TBC1D2B: variants seen among roughly 807,000 people sequenced by gnomAD.
TBC1D2B encodes the protein TBC1 domain family member 2B, also known as TBC1 domain family, member 2B.
A neutral mutation model predicts 100.8 loss-of-function variants in TBC1D2B; 64 were observed. The ratio of observed to expected loss-of-function variants is 0.64; its 90% confidence interval spans 0.52 to 0.78. TBC1D2B has a LOEUF of 0.78. Among genes scored for constraint, TBC1D2B ranks in the 30% least tolerant of loss-of-function variants. The pLI, the probability that TBC1D2B is intolerant of heterozygous loss-of-function variation, is 0.00. For synonymous variants in TBC1D2B, 480 were observed against 479.7 expected (o/e 1.00, Z -0.01); for missense variants, 1,052 against 1,218.4 (o/e 0.86, Z 2.03).
chr15:78,077,232 G>C, intron 1 of TBC1D2B, 61 bp downstream of exon 1: 1 of 1,403,832 alleles, frequency 7.1e-7, no homozygotes, highest in Admixed American at 3.2e-5. Context: ...GCGCAAGCCA[G>C]TGGCGGAGGC....
intron 9 of TBC1D2B, among the ~76,000 whole-genome samples, chr15:78,010,636 G>A (rs1475966329): frequency 2.6e-5 from 4 of 151,928 alleles, no homozygotes; most frequent in African/African-American, 9.7e-5. Flanking sequence ...TGAGAGACAG[G>A]ACTCGATGGC....
intron 10 of TBC1D2B, among the ~76,000 whole-genome samples, chr15:78,007,008 C>G (rs2072084896): frequency 6.6e-6 from 1 of 152,248 alleles, no homozygotes; most frequent in Non-Finnish European, 1.5e-5. Flanking sequence ...GCAGCGGGAA[C>G]AGCAGCAGGG....
At chr15:78,065,067 G>A (rs1379770198) in intron 1 of TBC1D2B, among the ~76,000 whole-genome samples, 1 of 152,136 alleles carries the variant, frequency 6.6e-6, no homozygotes. Flanking sequence ...AGTCTGTGTT[G>A]AGGTGGGCAG....
intron 1 of TBC1D2B, among the ~76,000 whole-genome samples, chr15:78,068,631 GC>G (rs1438793538): frequency 6.6e-6 from 1 of 152,190 alleles, no homozygotes; most frequent in Non-Finnish European, 1.5e-5. Flanking sequence ...TCCTGTGCTG[GC>G]TGGTGAGCTA....
chr15:78,056,683 CCTCTTTTTTTTTTTTT>C (rs1291603436), intron 1 of TBC1D2B, among the ~76,000 whole-genome samples: 4 of 132,966 alleles, frequency 3.0e-5, no homozygotes, highest in Admixed American at 8.7e-5. Flanking sequence ...ACCCAGTCCT[CCTCTTTTTTTTTTTTT>C]TTTTTTTTTT....
intron 4 of TBC1D2B, among the ~76,000 whole-genome samples, chr15:78,027,200 C>T (rs990916400): frequency 2.0e-5 from 3 of 152,114 alleles, no homozygotes; most frequent in Non-Finnish European, 4.4e-5. Context: ...CCAACCTGCA[C>T]TGTTAGGAAT....
intron 3 of TBC1D2B, among the ~76,000 whole-genome samples, chr15:78,032,195 C>G (rs904056003): frequency 1.4e-4 from 22 of 152,134 alleles, no homozygotes; most frequent in Non-Finnish European, 2.8e-4. Context: ...GAGCCTCACA[C>G]GGGACCGGGA....
intron 6 of TBC1D2B, among the ~76,000 whole-genome samples, chr15:78,022,506 G>C (rs1451509287): frequency 2.0e-5 from 3 of 151,956 alleles, no homozygotes; most frequent in Non-Finnish European, 2.9e-5. Context: ...TGCTAACCAA[G>C]ACCTCTTATT....
intron 1 of TBC1D2B, among the ~76,000 whole-genome samples, chr15:78,056,019 G>A (rs1367656523): frequency 3.9e-5 from 6 of 152,182 alleles, no homozygotes; most frequent in Non-Finnish European, 7.3e-5. Flanking sequence ...AGGTTCAAAA[G>A]CTTCAAAGTA....
chr15:78,026,649 C>T (rs1426059240), intron 4 of TBC1D2B, among the ~76,000 whole-genome samples: 1 of 152,136 alleles, frequency 6.6e-6, no homozygotes, highest in Admixed American at 6.5e-5. Context: ...GGCATGGTGG[C>T]TCACGCCTGT....
intron 2 of TBC1D2B, among the ~76,000 whole-genome samples, chr15:78,047,221 G>C (rs1254627554): frequency 6.7e-6 from 1 of 150,078 alleles, no homozygotes; most frequent in Non-Finnish European, 1.5e-5. Flanking sequence ...CTGGAGTGCA[G>C]TGGTGTGATC....
At chr15:77,999,539 C>T (rs2071855243) in intron 12 of TBC1D2B, among the ~76,000 whole-genome samples, 1 of 152,088 alleles carries the variant, frequency 6.6e-6, no homozygotes, top group South Asian at 2.1e-4. Context: ...GTGGATTTCT[C>T]GGGTTCCGCC....
intron 1 of TBC1D2B, among the ~76,000 whole-genome samples, chr15:78,076,158 C>G (rs1384738183): frequency 6.6e-6 from 1 of 152,136 alleles, no homozygotes; most frequent in African/African-American, 2.4e-5. Context: ...AGTCTAGTCC[C>G]CCAGAACTCC....
At chr15:78,022,909 G>A (rs2072551877) in intron 6 of TBC1D2B, among the ~76,000 whole-genome samples, 1 of 151,890 alleles carries the variant, frequency 6.6e-6, no homozygotes, top group South Asian at 2.1e-4. Flanking sequence ...AGGTTTTCTT[G>A]TTGTTTTGGA....
rs1190815425 is a variant in TBC1D2B, at chr15:78,005,824, CA to C, written c.2389-2335del. Among the ~76,000 whole-genome samples the C allele has an allele frequency of 2.0e-5, 3 of 152,152 alleles. No homozygotes were observed. In the South Asian group the frequency reaches 6.2e-4, roughly 32 times the overall value. On this transcript the variant is annotated intron_variant, in intron 10 of 12. Transcript: ENST00000300584. ...AGTGATCATCTATTACTTGTATAGT[CA>C]GGGGGGAAAAAGTCTCCTTAGATTT...
intron 3 of TBC1D2B, chr15:78,034,803 A>G (rs1360654491): frequency 1.1e-6 from 1 of 929,358 alleles, no homozygotes; most frequent in Non-Finnish European, 1.3e-6. Flanking sequence ...AACAGTATAT[A>G]GCCAATTCCT....
At chr15:78,047,163 CTTTTT>C (rs540479850) in intron 2 of TBC1D2B, among the ~76,000 whole-genome samples, 1 of 136,928 alleles carries the variant, frequency 7.3e-6, no homozygotes, top group Non-Finnish European at 1.6e-5. Flanking sequence ...AGAGTATACA[CTTTTT>C]TTTTTTTTTT....
At chr15:78,026,319 C>T (rs1381897183) in intron 4 of TBC1D2B, among the ~76,000 whole-genome samples, 10 of 152,216 alleles carry the variant, frequency 6.6e-5, no homozygotes, top group Admixed American at 2.6e-4. Context: ...GTTGTTATCA[C>T]CAGGGTGGGT....
chr15:78,062,118 C>T (rs1173759077), intron 1 of TBC1D2B, among the ~76,000 whole-genome samples: 3 of 152,170 alleles, frequency 2.0e-5, no homozygotes, highest in Admixed American at 6.5e-5. Flanking sequence ...GCTTCTCCCA[C>T]GGGCAACCCT....
Sources: allele counts gnomAD v4.1 joint callset (sites outside exome capture counted in the v4.1 genomes callset), GRCh38; gene constraint gnomAD v4.1.1; transcripts MANE v1.5; gene names NCBI Gene and HGNC (gene_info 2026-07-23, HGNC 2026-07-21).